CACNA1I: variants seen among roughly 807,000 people sequenced by gnomAD.
CACNA1I encodes calcium voltage-gated channel subunit alpha1 I.
A neutral mutation model predicts 201.6 loss-of-function variants in CACNA1I; 74 were observed. That is an observed-to-expected ratio of 0.37 (90% CI 0.30 to 0.45). The LOEUF (loss-of-function observed/expected upper bound fraction) is 0.45, where lower values mean the gene tolerates loss of function less well. Ranked by LOEUF, CACNA1I falls within the 20% of genes least tolerant of loss-of-function variation. The pLI is 1.00. For missense variants in CACNA1I, 2,346 were observed against 3,138.1 expected (o/e 0.75, Z 6.03); for synonymous variants, 1,431 against 1,345.2 (o/e 1.06, Z -1.40).
Position 39,659,156 on chromosome 22 carries a change from TG to T in CACNA1I, c.2330+44del. The T allele has an allele frequency of 6.2e-7, 1 of 1,605,016 alleles. No individual in the cohort carries two copies. On this transcript the variant is annotated intron_variant, in intron 12 of 36. Coordinates refer to ENST00000402142, the MANE Select transcript of CACNA1I (RefSeq NM_021096.4). This position sits in a 1 kb window ranked among gnomAD's most constrained non-coding sequence, Gnocchi z 4.3. ...CTGGGGGCCATACCTCAGCACCTGC[TG>T]GGGCTGTGGGCGGGAGCCTGGGGGA...
intron 3 of CACNA1I, among the ~76,000 whole-genome samples, chr22:39,613,077 A>G (rs1251275371): frequency 6.6e-6 from 1 of 152,104 alleles, no homozygotes; most frequent in African/African-American, 2.4e-5. Flanking sequence ...GAAACACCCT[A>G]TTTTTATCAG....
chr22:39,673,605 C>T (rs1935437057), intron 28 of CACNA1I, among the ~76,000 whole-genome samples: 1 of 152,194 alleles, frequency 6.6e-6, no homozygotes, highest in Admixed American at 6.5e-5. Context: ...TGCCAGAGTC[C>T]TCTTTATCGA....
At chr22:39,586,578 C>A (rs988585711) in intron 1 of CACNA1I, among the ~76,000 whole-genome samples, 2 of 152,170 alleles carry the variant, frequency 1.3e-5, no homozygotes, top group African/African-American at 4.8e-5. Flanking sequence ...AACCCCTGTT[C>A]TAGAAGAGGA....
intron 27 of CACNA1I, 49 bp downstream of exon 27, chr22:39,672,357 G>A: frequency 1.6e-6 from 2 of 1,244,334 alleles, no homozygotes; most frequent in Non-Finnish European, 1.2e-6. Context: ...ACTGCAGGAT[G>A]AAGAAGCAGT....
chr22:39,646,779 C>A lies in CACNA1I; in HGVS notation c.1360C>A (p.Leu454Met). Residue 454 changes from leucine to methionine, a missense_variant, in exon 8 of 37, where the codon CTG becomes ATG. Physicochemically the swap from Leu to Met is conservative, Grantham distance 15. Coordinates refer to ENST00000402142, the MANE Select transcript of CACNA1I (RefSeq NM_021096.4). ...CCTGCGCAAGGCCAAGCGCCGCGCC[C>A]TGGGCCTCTACCAGGCCCTGCAGAG... ...HILRKAKRRA[L>M]GLYQALQSRR... 1 of 1,576,898 alleles carries A rather than the reference C, an allele frequency of 6.3e-7. No individual in the cohort carries two copies. Among genetic ancestry groups the A allele is most frequent in the Non-Finnish European group, 8.6e-7 (1 of 1,161,868 alleles).
chr22:39,680,143 G>A (rs1935659958), intron 33 of CACNA1I, among the ~76,000 whole-genome samples: 1 of 152,202 alleles, frequency 6.6e-6, no homozygotes, highest in Admixed American at 6.5e-5. Flanking sequence ...TGCTGCAGGT[G>A]CCAGGCAGGG....
chr22:39,660,342 A>G lies in CACNA1I; in HGVS notation c.2605-2A>G. On this transcript the variant is annotated splice_acceptor_variant, in intron 14 of 36. Coordinates refer to ENST00000402142, the MANE Select transcript of CACNA1I (RefSeq NM_021096.4). LOFTEE classifies it high-confidence loss of function. ...ATTCTAACGTGACGGATGCTCTCCC[A>G]GGGTGACGCCAATCGCTCCTACTCG... 2 of 1,611,330 alleles carry G rather than the reference A, an allele frequency of 1.2e-6. No homozygotes were observed. Among genetic ancestry groups the G allele is most frequent in the Non-Finnish European group, 8.5e-7 (1 of 1,178,662 alleles).
intron 31 of CACNA1I, 113 bp downstream of exon 31, chr22:39,678,221 G>A (rs192344284): frequency 1.6e-6 from 2 of 1,275,694 alleles, no homozygotes; most frequent in Admixed American, 2.2e-5. Flanking sequence ...CATGGGAGGG[G>A]CATGCAGGGC....
intron 4 of CACNA1I, among the ~76,000 whole-genome samples, chr22:39,631,356 A>G (rs112131965): frequency 0.03 from 4,497 of 152,268 alleles, 227 homozygotes; most frequent in African/African-American, 0.1. Context: ...AGGGCCCTCA[A>G]TCACACTCAT....
At position 39,674,716 on chromosome 22, in the gene CACNA1I, G is replaced by A. The variant is rs1019225562; in HGVS notation, c.4854+683G>A. ...CTCCCCTTCCCCCTCCCCTCAGGGT[G>A]GCCTCTGCTCTCAGCTGAGCCTCAG... On this transcript the variant is annotated intron_variant, in intron 29 of 36. Coordinates refer to ENST00000402142, the MANE Select transcript of CACNA1I (RefSeq NM_021096.4). Among the ~76,000 whole-genome samples, 4 of 150,522 alleles carry A rather than the reference G, an allele frequency of 2.7e-5. No homozygotes were observed. The East Asian group carries it at 6.0e-4, about 22-fold the overall frequency.
intron 28 of CACNA1I, 130 bp from the exon 29 acceptor site, chr22:39,673,833 G>A (rs1247447861): frequency 2.6e-6 from 2 of 775,176 alleles, no homozygotes; most frequent in Non-Finnish European, 2.1e-6. Flanking sequence ...TGTGGTATCT[G>A]AGAGCCAGAC....
At chr22:39,622,054 G>A (rs1353387517) in intron 4 of CACNA1I, among the ~76,000 whole-genome samples, 1 of 152,172 alleles carries the variant, frequency 6.6e-6, no homozygotes, top group African/African-American at 2.4e-5. Flanking sequence ...GAAGGACCAA[G>A]CCAAACCAGC....
chr22:39,591,109 C>T (rs1932815871), intron 1 of CACNA1I, among the ~76,000 whole-genome samples: 1 of 151,800 alleles, frequency 6.6e-6, no homozygotes, highest in East Asian at 1.9e-4. Flanking sequence ...GCCTTGCCCT[C>T]CCAAAGTGCT....
At chr22:39,585,535 C>G (rs5995752) in intron 1 of CACNA1I, among the ~76,000 whole-genome samples, 2 of 150,110 alleles carry the variant, frequency 1.3e-5, no homozygotes, top group Non-Finnish European at 3.0e-5. Context: ...GATTACAGGT[C>G]TGAGCCACCA....
intron 4 of CACNA1I, among the ~76,000 whole-genome samples, chr22:39,620,678 T>C (rs1290618625): frequency 6.6e-6 from 1 of 152,122 alleles, no homozygotes; most frequent in African/African-American, 2.4e-5. Context: ...AGGAATGGGG[T>C]GAAGACTGGG....
At chr22:39,600,312 C>T (rs571424922) in intron 2 of CACNA1I, among the ~76,000 whole-genome samples, 1 of 152,250 alleles carries the variant, frequency 6.6e-6, no homozygotes, top group South Asian at 2.1e-4. Flanking sequence ...AACTCATTCC[C>T]GTCTCTGGGC....
chr22:39,589,402 C>T (rs1932796468), intron 1 of CACNA1I, among the ~76,000 whole-genome samples: 1 of 152,206 alleles, frequency 6.6e-6, no homozygotes, highest in African/African-American at 2.4e-5. Context: ...AGAGTGGTTG[C>T]TGCCTGTTTA....
In CACNA1I at chr22:39,659,917, G is replaced by A. The variant is rs893140190; in HGVS notation, c.2604+65G>A. 1.3e-6 allele frequency: 2 copies of A among 1,595,366 alleles called. No homozygotes were observed. The highest frequency in any genetic ancestry group is 1.3e-5 in the African/African-American group (1 of 74,538). On this transcript the variant is annotated intron_variant, in intron 14 of 36. Transcript: ENST00000402142. The surrounding 1 kb of genome is among the most constrained non-coding windows in gnomAD (Gnocchi z 4.3). ...CTGCGAAAGACTGGGCGAGGGAGAG[G>A]TGGCCTGGATGGGGGAGGGCTGCAA... is the stretch of plus-strand genomic sequence containing the variant.
intron 3 of CACNA1I, among the ~76,000 whole-genome samples, chr22:39,618,106 G>A (rs983423422): frequency 1.3e-5 from 2 of 150,870 alleles, no homozygotes; most frequent in Non-Finnish European, 3.0e-5. Context: ...TCTGTGTGCA[G>A]GTGTGTGACT....
Sources: gnomAD v4.1 joint callset for allele counts (sites outside exome capture counted in the v4.1 genomes callset) on GRCh38, gnomAD v4.1.1 for gene constraint, Gnocchi (gnomAD v3.1) non-coding constraint, MANE v1.5 for transcripts, NCBI Gene and HGNC (gene_info 2026-07-23, HGNC 2026-07-21) for gene names.